CECR2: variants seen among roughly 807,000 people sequenced by gnomAD.
The protein encoded by CECR2 is CECR2 histone acetyl-lysine reader.
In CECR2, 30 loss-of-function variants were observed where a neutral mutation model predicts 154.5. That is an observed-to-expected ratio of 0.19 (90% CI 0.15 to 0.26). The LOEUF (loss-of-function observed/expected upper bound fraction) is 0.26, where lower values mean the gene tolerates loss of function less well. Among genes scored for constraint, CECR2 ranks in the 10% least tolerant of loss-of-function variants. The pLI, the probability that CECR2 is intolerant of heterozygous loss-of-function variation, is 1.00. For synonymous variants in CECR2, 725 were observed against 683.7 expected, an observed-to-expected ratio of 1.06 and a Z score of -0.94; for missense variants, 1,743 against 1,829.3, an observed-to-expected ratio of 0.95 and a Z score of 0.86.
At chr22:17,470,723 A>T (rs1236729778) in intron 1 of CECR2, among the ~76,000 whole-genome samples, 1 of 152,156 alleles carries the variant, frequency 6.6e-6, no homozygotes, top group Non-Finnish European at 1.5e-5. Context: ...CTGTTCTTTC[A>T]TAATTTCTTT....
At chr22:17,414,233 A>G (rs985630862) in intron 1 of CECR2, among the ~76,000 whole-genome samples, 5 of 152,124 alleles carry the variant, frequency 3.3e-5, no homozygotes, top group Non-Finnish European at 5.9e-5. Flanking sequence ...TGGCCTCCCA[A>G]AGTGCTGGGA....
At chr22:17,486,024 G>A (rs1403883082) in intron 2 of CECR2, among the ~76,000 whole-genome samples, 1 of 152,194 alleles carries the variant, frequency 6.6e-6, no homozygotes, top group Non-Finnish European at 1.5e-5. Flanking sequence ...CTTCAGCGCA[G>A]TCTTGAGTGC....
At chr22:17,500,525 C>T (rs1222150868) in intron 4 of CECR2, 106 bp from the exon 5 acceptor site, 3 of 797,854 alleles carry the variant, frequency 3.8e-6, no homozygotes, top group Non-Finnish European at 5.8e-6. Flanking sequence ...TTCACTGCTA[C>T]ATTTAATCCT....
At chr22:17,502,233 C>G (rs1320234857) in intron 5 of CECR2, among the ~76,000 whole-genome samples, 3 of 152,190 alleles carry the variant, frequency 2.0e-5, no homozygotes, top group Non-Finnish European at 2.9e-5. Flanking sequence ...CCTGAGGTCA[C>G]ATTGTAAGTG....
At chr22:17,485,632 G>A (rs1323139182) in intron 2 of CECR2, among the ~76,000 whole-genome samples, 2 of 152,042 alleles carry the variant, frequency 1.3e-5, no homozygotes, top group African/African-American at 4.8e-5. Context: ...AAATTAGTGG[G>A]GTACAGTGGC....
intron 8 of CECR2, among the ~76,000 whole-genome samples, chr22:17,514,006 T>G (rs1406265406): frequency 6.6e-6 from 1 of 152,218 alleles, no homozygotes; most frequent in African/African-American, 2.4e-5. Flanking sequence ...ACAGAGACTG[T>G]AAACTATCTG....
intron 1 of CECR2, among the ~76,000 whole-genome samples, chr22:17,450,341 G>A (rs1178200666): frequency 1.3e-5 from 2 of 152,178 alleles, no homozygotes; most frequent in African/African-American, 4.8e-5. Flanking sequence ...CGCAACATCG[G>A]CTCACTGCAA....
intron 1 of CECR2, among the ~76,000 whole-genome samples, chr22:17,436,095 A>T (rs2054502653): frequency 1.3e-5 from 2 of 152,038 alleles, no homozygotes; most frequent in East Asian, 3.9e-4. Flanking sequence ...GGTGGCTGGG[A>T]CTACAGGTGC....
intron 1 of CECR2, among the ~76,000 whole-genome samples, chr22:17,374,429 A>G (rs949274981): frequency 6.6e-6 from 1 of 152,218 alleles, no homozygotes; most frequent in African/African-American, 2.4e-5. Context: ...TACATCCATC[A>G]TATCAGTGGT....
intron 1 of CECR2, among the ~76,000 whole-genome samples, chr22:17,388,243 C>T (rs768049674): frequency 1.5e-4 from 23 of 152,140 alleles, no homozygotes; most frequent in Admixed American, 2.6e-4. Flanking sequence ...CATGAGCCAC[C>T]GCGCCTGGCC....
chr22:17,400,162 G>A (rs1482606729), intron 1 of CECR2, among the ~76,000 whole-genome samples: 3 of 152,162 alleles, frequency 2.0e-5, no homozygotes, highest in Non-Finnish European at 4.4e-5. Flanking sequence ...GTACACATTA[G>A]TGTGACTTAG....
In CECR2 at chr22:17,524,360, A is replaced by G. The variant is rs572983968; in HGVS notation, c.1108+89A>G. Reference sequence around the variant, plus strand: ...GAGCCAACTCAAGCTAAGTCCTGCCATGCATCCAAGTTGTTTCCGGCAATT... The same window carrying G: ...GAGCCAACTCAAGCTAAGTCCTGCCGTGCATCCAAGTTGTTTCCGGCAATT... On this transcript the variant is annotated intron_variant, in intron 9 of 18. Transcript: ENST00000262608. 2.4e-5 allele frequency: 32 copies of G among 1,350,892 alleles called. 1 individual carries two copies. In the African/African-American group the frequency reaches 3.3e-4, roughly 14 times the overall value. The allele number at this position is 1,350,892 out of a possible 1,614,324, so 83.7% of individuals were successfully genotyped here. A position where few individuals can be genotyped will look rare whatever the true frequency, so the allele number is the denominator to read the frequency against.
chr22:17,415,151 T>G (rs1009577098), intron 1 of CECR2, among the ~76,000 whole-genome samples: 3 of 152,218 alleles, frequency 2.0e-5, no homozygotes, highest in African/African-American at 7.2e-5. Flanking sequence ...ACCTTACCTG[T>G]TAACAGACAT....
chr22:17,520,399 T>G (rs1454633824), intron 8 of CECR2, among the ~76,000 whole-genome samples: 2 of 149,558 alleles, frequency 1.3e-5, no homozygotes, highest in African/African-American at 5.0e-5. Flanking sequence ...AGGCTCAGGT[T>G]TTTTTTTTAT....
chr22:17,515,222 A>T lies in CECR2; in HGVS notation c.954+3326A>T, dbSNP rs190135139. On this transcript the variant is annotated intron_variant, in intron 8 of 18. Coordinates refer to ENST00000262608, the MANE Select transcript of CECR2 (RefSeq NM_001290047.2). ...AAATGTGAGGCAGACATATTCAGCT[A>T]AGCAGGAGGTGTTTACAAGTGCAGG... Among the ~76,000 whole-genome samples the T allele has an allele frequency of 1.2e-4, 19 of 152,302 alleles. No individual in the cohort carries two copies. In the East Asian group the frequency reaches 3.3e-3, roughly 26 times the overall value.
At chr22:17,418,658 A>T in intron 1 of CECR2, 1 of 296,904 alleles carries the variant, frequency 3.4e-6, no homozygotes, top group Non-Finnish European at 5.9e-6. Flanking sequence ...TGTGCCAGAC[A>T]CTCGCGAGGG....
chr22:17,388,877 G>A (rs918603232), intron 1 of CECR2, among the ~76,000 whole-genome samples: 10 of 151,898 alleles, frequency 6.6e-5, no homozygotes, highest in African/African-American at 2.4e-4. Flanking sequence ...GCAGTGGCAC[G>A]ATCTCAGCTC....
At chr22:17,459,001 G>A (rs1202808523) in intron 1 of CECR2, among the ~76,000 whole-genome samples, 2 of 152,190 alleles carry the variant, frequency 1.3e-5, no homozygotes, top group East Asian at 3.8e-4. Context: ...GTCTACATCA[G>A]TTTGAGAAGA....
chr22:17,426,357 A>AT lies in CECR2; in HGVS notation c.127-51220dup, dbSNP rs890280518. On this transcript the variant is annotated intron_variant, in intron 1 of 18. Coordinates refer to ENST00000262608, the MANE Select transcript of CECR2 (RefSeq NM_001290047.2). ...TGTTGTAAATGGTTCTATTCTTTTA[A>AT]TTTTTTTTTTTCTTCCCTGAGACGA... Among the ~76,000 whole-genome samples the AT allele has an allele frequency of 2.6e-3, 387 of 149,456 alleles. 2 individuals are homozygous for AT. The highest frequency in any genetic ancestry group is 8.5e-3 in the African/African-American group (349 of 40,992).
Sources: allele counts gnomAD v4.1 joint callset (sites outside exome capture counted in the v4.1 genomes callset), GRCh38; gene constraint gnomAD v4.1.1; transcripts MANE v1.5; gene names NCBI Gene and HGNC (gene_info 2026-07-23, HGNC 2026-07-21).